CRK: variants seen among roughly 807,000 people sequenced by gnomAD.
The protein encoded by CRK is adapter molecule crk.
In CRK, 4 loss-of-function variants were observed where a neutral mutation model predicts 29.8. The observed-to-expected ratio is 0.13, with a 90% CI of 0.07 to 0.31. CRK has a LOEUF of 0.31. Ranked by LOEUF, CRK falls within the 10% of genes least tolerant of loss-of-function variation. The pLI, the probability that CRK is intolerant of heterozygous loss-of-function variation, is 1.00. For missense variants in CRK, 274 were observed against 396.5 expected, an observed-to-expected ratio of 0.69 and a Z score of 2.62; for synonymous variants, 153 against 164.9, an observed-to-expected ratio of 0.93 and a Z score of 0.55.
At position 1,455,983 on chromosome 17, in the gene CRK, C is replaced by G; in HGVS notation, c.135G>C (p.Gly45=). The G allele has an allele frequency of 6.2e-7, 1 of 1,601,850 alleles. No homozygotes were observed. The highest frequency in any genetic ancestry group is 2.3e-5 in the East Asian group (1 of 43,362). The change falls in exon 1 of 3, where the codon GGG becomes GGC. Residue 45 remains glycine, a synonymous_variant. Transcript: ENST00000300574. The part of the protein sequence containing the change: ...FLVRDSSTSP[G]DYVLSVSENS... ...TCTCTGAGACGCTGAGCACATAGTC[C>G]CCGGGGCTGGTGCTCGAGTCCCGCA...
intron 1 of CRK, among the ~76,000 whole-genome samples, chr17:1,439,859 G>C (rs1012713616): frequency 6.6e-6 from 1 of 151,478 alleles, no homozygotes; most frequent in Non-Finnish European, 1.5e-5. Context: ...ACAAAAAAAA[G>C]AAAATGAATT....
At chr17:1,437,196 C>T (rs764912543) in intron 1 of CRK, 41 bp from the exon 2 acceptor site, 13 of 1,521,888 alleles carry the variant, frequency 8.5e-6, no homozygotes, top group Non-Finnish European at 1.1e-5. Context: ...TGATGTACTA[C>T]ACTGGAAATG....
chr17:1,422,314 C>A lies in CRK; in HGVS notation c.*1199G>T, dbSNP rs968123523. 3.3e-5 allele frequency: 5 copies of A among 151,904 alleles called. No individual in the cohort carries two copies. The highest frequency in any genetic ancestry group is 2.6e-4 in the Admixed American group (4 of 15,200). 9.4% of individuals were successfully genotyped at this position (151,904 alleles called of 1,614,324 possible). On this transcript the variant is annotated 3_prime_UTR_variant, in exon 3 of 3. Coordinates refer to ENST00000300574, the MANE Select transcript of CRK (RefSeq NM_016823.4). Reference sequence around the variant, plus strand: ...GAGTAGCTGGGATTACAGGCGTGCACCACCACGCCGGGCTAATTTTTTATA... The same window carrying A: ...GAGTAGCTGGGATTACAGGCGTGCAACACCACGCCGGGCTAATTTTTTATA...
intron 2 of CRK, among the ~76,000 whole-genome samples, chr17:1,430,137 C>T (rs1225686200): frequency 2.6e-5 from 4 of 151,430 alleles, no homozygotes; most frequent in Non-Finnish European, 4.4e-5. Context: ...CTCCACCTCC[C>T]GGGTTCAAGT....
rs764041078 is a variant in CRK at position 1,427,126 on chromosome 17, GA to G, written c.778-3477del. Among the ~76,000 whole-genome samples the G allele has an allele frequency of 9.7e-3, 1,023 of 105,924 alleles. 13 individuals are homozygous for G. The highest frequency in any genetic ancestry group is 0.019 in the African/African-American group (548 of 29,256). 69.5% of individuals were successfully genotyped at this position (105,924 alleles called of 152,430 possible). On this transcript the variant is annotated intron_variant, in intron 2 of 2. Coordinates refer to ENST00000300574, the MANE Select transcript of CRK (RefSeq NM_016823.4). ...CAACAATAGCAAGACTGTGTCTCTT[GA>G]AAAAAAAAAAAAAATTAGTAAGGTA...
chr17:1,436,555 T>A, intron 2 of CRK, 65 bp downstream of exon 2: 2 of 1,512,536 alleles, frequency 1.3e-6, no homozygotes, highest in South Asian at 1.3e-5. Context: ...GCTACAAAGC[T>A]CTAAGAGGAC....
At position 1,447,853 on chromosome 17, in the gene CRK, G is replaced by A. The variant is rs547719233; in HGVS notation, c.241+8024C>T. 3.3e-5 allele frequency among the ~76,000 whole-genome samples: 5 copies of A among 151,980 alleles called. No homozygotes were observed. In the East Asian group the frequency reaches 9.7e-4, roughly 30 times the overall value. ...GCTGGTCTCGAACTCCTGACCTCAA[G>A]TGATCAGCCAGCCTCAGCCTCCCAA... On this transcript the variant is annotated intron_variant, in intron 1 of 2. Coordinates refer to ENST00000300574, the MANE Select transcript of CRK (RefSeq NM_016823.4).
intron 1 of CRK, among the ~76,000 whole-genome samples, chr17:1,442,668 C>T (rs1171748899): frequency 7.5e-6 from 1 of 133,064 alleles, no homozygotes; most frequent in Non-Finnish European, 1.5e-5. Context: ...AGTGCAGTGG[C>T]TGGATGTCGG....
intron 1 of CRK, 123 bp downstream of exon 1, chr17:1,455,754 G>A (rs1442144344): frequency 1.5e-6 from 2 of 1,312,968 alleles, no homozygotes; most frequent in Admixed American, 4.0e-5. Context: ...GCGGGCCCCT[G>A]CCACGGTCAC....
At chr17:1,444,367 C>T (rs1408862028) in intron 1 of CRK, among the ~76,000 whole-genome samples, 7 of 151,954 alleles carry the variant, frequency 4.6e-5, no homozygotes, top group Admixed American at 1.3e-4. Context: ...CCATCTCTAC[C>T]GAAAAAAATA....
rs139446062 is a variant in CRK at position 1,450,135 on chromosome 17, G to A, written c.241+5742C>T. Among the ~76,000 whole-genome samples the A allele has an allele frequency of 6.0e-3, 916 of 152,214 alleles. 7 individuals carry two copies. The highest frequency in any genetic ancestry group is 0.025 in the East Asian group (129 of 5,174). On this transcript the variant is annotated intron_variant, in intron 1 of 2. Coordinates refer to ENST00000300574, the MANE Select transcript of CRK (RefSeq NM_016823.4). ...GCAGGAGAATGGCTTGACCCGGGAG[G>A]GGGAGGTTGCAGTGAGCTGAGATCG...
At chr17:1,450,153 T>C (rs1254390674) in intron 1 of CRK, among the ~76,000 whole-genome samples, 1 of 152,132 alleles carries the variant, frequency 6.6e-6, no homozygotes, top group African/African-American at 2.4e-5. Flanking sequence ...TGCAGTGAGC[T>C]GAGATCGTCC....
chr17:1,433,254 C>T (rs1289891627), intron 2 of CRK, among the ~76,000 whole-genome samples: 1 of 152,192 alleles, frequency 6.6e-6, no homozygotes, highest in Non-Finnish European at 1.5e-5. Context: ...CTGGCGCAAA[C>T]CCAGGTGACT....
At chr17:1,429,549 T>C (rs1329665759) in intron 2 of CRK, among the ~76,000 whole-genome samples, 2 of 151,606 alleles carry the variant, frequency 1.3e-5, no homozygotes, top group East Asian at 1.9e-4. Flanking sequence ...GCTGGGATTA[T>C]AGGCATGGGC....
intron 1 of CRK, among the ~76,000 whole-genome samples, chr17:1,451,192 C>CAAAAAA (rs10691537): frequency 0.14 from 9,347 of 65,824 alleles, 995 homozygotes; most frequent in African/African-American, 0.18. Context: ...GAAACTGTCT[C>CAAAAAA]AAAAAAAAAA....
intron 1 of CRK, among the ~76,000 whole-genome samples, chr17:1,450,655 G>C (rs907857745): frequency 3.9e-5 from 6 of 152,020 alleles, no homozygotes; most frequent in Non-Finnish European, 8.8e-5. Flanking sequence ...AAGCCGAGGC[G>C]AGCGGATCAC....
rs370932293 is a variant in CRK at position 1,456,022 on chromosome 17, G to A, written c.96C>T (p.His32=). 3.1e-6 allele frequency: 5 copies of A among 1,597,310 alleles called. No homozygotes were observed. Among genetic ancestry groups the A allele is most frequent in the Non-Finnish European group, 3.4e-6 (4 of 1,173,802 alleles). Reference sequence around the variant, plus strand: ...TCGAGTCCCGCACCAGGAACACCCCGTGCCGCTGGCCCTGCAGCAGCGCCA... The same window carrying A: ...TCGAGTCCCGCACCAGGAACACCCCATGCCGCTGGCCCTGCAGCAGCGCCA... ...EAVALLQGQR[H]GVFLVRDSST... Residue 32 remains histidine (H), a synonymous_variant, in exon 1 of 3, where the codon CAC becomes CAT. Coordinates refer to ENST00000300574, the MANE Select transcript of CRK (RefSeq NM_016823.4).
At chr17:1,429,839 A>AG (rs1413086402) in intron 2 of CRK, among the ~76,000 whole-genome samples, 2 of 151,688 alleles carry the variant, frequency 1.3e-5, no homozygotes, top group Admixed American at 1.3e-4. Flanking sequence ...AGGCTGAGGT[A>AG]GGGGGATCAC....
chr17:1,438,786 GAAAAT>G (rs1055795904), intron 1 of CRK, among the ~76,000 whole-genome samples: 2 of 151,686 alleles, frequency 1.3e-5, no homozygotes, highest in African/African-American at 4.8e-5. Context: ...AAAACTCAAG[GAAAAT>G]AAATGAACAC....
Sources: gnomAD v4.1 joint callset for allele counts (sites outside exome capture counted in the v4.1 genomes callset) on GRCh38, gnomAD v4.1.1 for gene constraint, MANE v1.5 for transcripts, NCBI Gene and HGNC (gene_info 2026-07-23, HGNC 2026-07-21) for gene names.